HACL1: variants seen among roughly 807,000 people sequenced by gnomAD.
HACL1 encodes the protein 2-hydroxyacyl-CoA lyase 1, also known as 1600020H07Rik.
In HACL1, 64 loss-of-function variants were observed where a neutral mutation model predicts 74.2. That is an observed-to-expected ratio of 0.86 (90% CI 0.70 to 1.06). The LOEUF is 1.06. Among genes scored for constraint, HACL1 ranks in the 50% least tolerant of loss-of-function variants. HACL1 has a pLI of 0.00. For missense variants in HACL1, 728 were observed against 719.7 expected (o/e 1.01, Z -0.13); for synonymous variants, 230 against 238.8 (o/e 0.96, Z 0.34).
chr3:15,574,787 T>G (rs2063593881), intron 10 of HACL1, among the ~76,000 whole-genome samples, 190 bp downstream of exon 10: 1 of 152,200 alleles, frequency 6.6e-6, no homozygotes, highest in Non-Finnish European at 1.5e-5. Context: ...GCACACTATA[T>G]TTCATAGGCT....
chr3:15,571,203 G>C (rs1279333802), intron 12 of HACL1, among the ~76,000 whole-genome samples: 1 of 151,608 alleles, frequency 6.6e-6, no homozygotes, highest in African/African-American at 2.4e-5. Context: ...TCAAACTCCA[G>C]GCCTCAATTG....
At chr3:15,589,033 T>C (rs926250426) in intron 5 of HACL1, among the ~76,000 whole-genome samples, 2 of 152,214 alleles carry the variant, frequency 1.3e-5, no homozygotes, top group African/African-American at 4.8e-5. Flanking sequence ...AAGCAGGGCC[T>C]AAGCTCACCC....
chr3:15,566,344 A>T (rs1013894367), intron 14 of HACL1, among the ~76,000 whole-genome samples: 7 of 152,208 alleles, frequency 4.6e-5, no homozygotes, highest in African/African-American at 1.7e-4. Flanking sequence ...ACTCATGTTC[A>T]CTGAGCATCA....
At chr3:15,595,486 C>T (rs1321403574) in intron 3 of HACL1, among the ~76,000 whole-genome samples, 1 of 151,600 alleles carries the variant, frequency 6.6e-6, no homozygotes, top group African/African-American at 2.4e-5. Flanking sequence ...GTATGATACA[C>T]ATTCCTGTGA....
chr3:15,582,989 C>A lies in HACL1; in HGVS notation c.555G>T (p.Lys185Asn). The change falls in exon 8 of 17, where the codon AAG becomes AAT. Residue 185 changes from lysine (K) to asparagine (N), a missense_variant and splice_region_variant. By Grantham distance (94) the Lys-to-Asn change is moderately conservative. Transcript: ENST00000321169. ...VNLQVNVNSI[K>N]YMERCMSPPI... The stretch of plus-strand genomic sequence containing the variant: ...GAGGTGACATGCAGCGTTCCATGTA[C>A]CTGGAAAAAAAGAGCCCTATTAATT... 6.5e-7 allele frequency: 1 copy of A among 1,541,344 alleles called. No homozygotes were observed. The highest frequency in any genetic ancestry group is 8.9e-7 in the Non-Finnish European group (1 of 1,123,896).
chr3:15,581,543 C>G (rs991642906), intron 8 of HACL1, among the ~76,000 whole-genome samples: 3 of 152,162 alleles, frequency 2.0e-5, no homozygotes, highest in Admixed American at 2.0e-4. Flanking sequence ...TCCTTCCTGT[C>G]TCAATGTCTT....
chr3:15,561,067 A>C (rs544667196), intron 16 of HACL1, among the ~76,000 whole-genome samples, 170 bp from the exon 17 acceptor site: 7 of 152,340 alleles, frequency 4.6e-5, no homozygotes, highest in Admixed American at 2.0e-4. Context: ...CTATTAGTGA[A>C]TCTTCCTGCT....
rs1355085787 is a variant in HACL1 at position 15,583,063 on chromosome 3, G to A, written c.555-74C>T. The A allele has an allele frequency of 4.3e-6, 3 of 698,384 alleles. No individual in the cohort carries two copies. The Admixed American group carries it at 8.5e-5, about 20-fold the overall frequency. 43.3% of individuals were successfully genotyped at this position (698,384 alleles called of 1,614,324 possible). A position where few individuals can be genotyped will look rare whatever the true frequency, so the allele number is the denominator to read the frequency against. ...TTATTGTGAAAATTTCAAATATATA[G>A]AAAGGTAGAAAAAATAGTACAATAA... On this transcript the variant is annotated intron_variant, in intron 7 of 16. Coordinates refer to ENST00000321169, the MANE Select transcript of HACL1 (RefSeq NM_012260.4).
chr3:15,571,030 T>A (rs1360637462), intron 12 of HACL1, among the ~76,000 whole-genome samples: 1 of 151,930 alleles, frequency 6.6e-6, no homozygotes, highest in East Asian at 1.9e-4. Context: ...CAGGCTTGAG[T>A]GCAGTGGCAT....
At chr3:15,593,416 A>G (rs2063994442) in intron 3 of HACL1, among the ~76,000 whole-genome samples, 2 of 151,704 alleles carry the variant, frequency 1.3e-5, no homozygotes, top group Admixed American at 6.6e-5. Flanking sequence ...ATGGGGTTTC[A>G]CCATGTTGCC....
chr3:15,580,103 T>C, intron 8 of HACL1, 58 bp from the exon 9 acceptor site: 3 of 1,388,094 alleles, frequency 2.2e-6, no homozygotes, highest in Non-Finnish European at 3.0e-6. Flanking sequence ...CTGTGACCCT[T>C]AAAAAAGTTC....
At chr3:15,595,557 A>G (rs1412420864) in intron 3 of HACL1, among the ~76,000 whole-genome samples, 1 of 151,740 alleles carries the variant, frequency 6.6e-6, no homozygotes, top group East Asian at 1.9e-4. Context: ...AAAATGACCA[A>G]TTCTTAACAG....
Position 15,571,745 on chromosome 3 carries a change from G to A in HACL1, c.1018C>T (p.Pro340Ser). The A allele has an allele frequency of 6.9e-7, 1 of 1,449,934 alleles. No individual in the cohort carries two copies. Among genetic ancestry groups the A allele is most frequent in the Non-Finnish European group, 9.5e-7 (1 of 1,047,662 alleles). The allele number at this position is 1,449,934 out of a possible 1,614,324, so 89.8% of individuals were successfully genotyped here. Residue 340 changes from proline (P) to serine (S), a missense_variant, in exon 12 of 17, where the codon CCA (proline) becomes TCA (serine). By Grantham distance (74) the Pro-to-Ser change is moderately conservative. Coordinates refer to ENST00000321169, the MANE Select transcript of HACL1 (RefSeq NM_012260.4). ...TTGCTCTCTGGAGGATACTGCCATG[G>A]TGTTTTATCAAGTTCCTCTAAAAGC... The part of the protein sequence containing the change: ...KQLLEELDKT[P>S]WQYPPESKWW...
chr3:15,577,800 A>G (rs1171644268), intron 9 of HACL1, among the ~76,000 whole-genome samples: 1 of 151,730 alleles, frequency 6.6e-6, no homozygotes, highest in Non-Finnish European at 1.5e-5. Flanking sequence ...CCTGTCTCCA[A>G]AAAAAACCCA....
intron 2 of HACL1, among the ~76,000 whole-genome samples, chr3:15,597,670 T>TTGTTTTTTTTTTTTTTTTTTTTTTTTTG (rs1559565545): frequency 6.6e-6 from 1 of 151,694 alleles, no homozygotes; most frequent in East Asian, 1.9e-4. Flanking sequence ...ATCATAATCT[T>TTGTTTTTTTTTTTTTTTTTTTTTTTTTG]AACTGGCTCT....
chr3:15,593,128 CGTATATAT>C lies in HACL1; in HGVS notation c.228-1456_228-1449del, dbSNP rs1292337380. ...GTGTGTGTATATATACACACACATA[CGTATATAT>C]GTATATATACACACATACACACATA... is the stretch of plus-strand genomic sequence containing the variant. On this transcript the variant is annotated intron_variant, in intron 3 of 16. Transcript: ENST00000321169. Among the ~76,000 whole-genome samples the C allele has an allele frequency of 3.0e-5, 4 of 131,164 alleles. 1 individual carries two copies. The highest frequency in any genetic ancestry group is 1.4e-4 in the African/African-American group (4 of 28,322). 86.0% of individuals were successfully genotyped at this position (131,164 alleles called of 152,430 possible).
At chr3:15,600,958 C>G (rs1345234750) in intron 2 of HACL1, 132 bp downstream of exon 2, 3 of 662,890 alleles carry the variant, frequency 4.5e-6, no homozygotes, top group African/African-American at 3.6e-5. Context: ...AGTTAATATT[C>G]AACAGTGATT....
chr3:15,588,579 C>T (rs1056037486), intron 5 of HACL1, among the ~76,000 whole-genome samples: 1 of 151,692 alleles, frequency 6.6e-6, no homozygotes, highest in African/African-American at 2.4e-5. Context: ...GGCAACACAG[C>T]CATATCCTGT....
At chr3:15,590,251 T>C (rs1268068842) in intron 4 of HACL1, among the ~76,000 whole-genome samples, 1 of 151,398 alleles carries the variant, frequency 6.6e-6, no homozygotes. Flanking sequence ...GGAAGAAAAA[T>C]TTTACACTTT....
Sources: gnomAD v4.1 joint callset for allele counts (sites outside exome capture counted in the v4.1 genomes callset) on GRCh38, gnomAD v4.1.1 for gene constraint, MANE v1.5 for transcripts, NCBI Gene and HGNC (gene_info 2026-07-23, HGNC 2026-07-21) for gene names.